Variants in SPATA6 observed in about 807,000 individuals in gnomAD.
The protein encoded by SPATA6 is spermatogenesis-associated protein 6.
Under a neutral mutation model 65.3 loss-of-function variants are expected in SPATA6, and 56 were observed. That is an observed-to-expected ratio of 0.86 (90% CI 0.69 to 1.07). The LOEUF (loss-of-function observed/expected upper bound fraction) is 1.07. SPATA6 is among the 50% of genes least tolerant of loss of function. The pLI, the probability that SPATA6 is intolerant of heterozygous loss-of-function variation, is 0.00. For missense variants in SPATA6, 590 were observed against 594.8 expected (o/e 0.99, Z 0.08); for synonymous variants, 199 against 213.2 (o/e 0.93, Z 0.58).
At chr1:48,394,853 G>T (rs1650429268) in intron 8 of SPATA6, among the ~76,000 whole-genome samples, 1 of 151,754 alleles carries the variant, frequency 6.6e-6, no homozygotes, top group South Asian at 2.1e-4. Context: ...AACTTAAGAA[G>T]CAACTTATCT....
At chr1:48,449,246 G>A (rs770016799) in intron 3 of SPATA6, among the ~76,000 whole-genome samples, 5 of 152,008 alleles carry the variant, frequency 3.3e-5, no homozygotes, top group Non-Finnish European at 5.9e-5. Flanking sequence ...GGATCTCAAG[G>A]GATACTACAG....
chr1:48,366,484 T>C (rs536435029), intron 9 of SPATA6, among the ~76,000 whole-genome samples: 4 of 151,940 alleles, frequency 2.6e-5, no homozygotes, highest in African/African-American at 9.7e-5. Flanking sequence ...AGGCTGTTAT[T>C]GGTCTATTCA....
chr1:48,278,576 G>A, the SPATA6 span, among the ~76,000 whole-genome samples: 1 of 152,216 alleles, frequency 6.6e-6, no homozygotes, highest in Non-Finnish European at 1.5e-5. Context: ...GGAAGAAAGG[G>A]TATCAGTGAT....
At chr1:48,338,302 AGTGACAAAAC>A (rs1289880386) in intron 11 of SPATA6, among the ~76,000 whole-genome samples, 1 of 151,974 alleles carries the variant, frequency 6.6e-6, no homozygotes, top group African/African-American at 2.4e-5. Context: ...ACAAGGGTGG[AGTGACAAAAC>A]GTGAGTTTTA....
intron 3 of SPATA6, among the ~76,000 whole-genome samples, chr1:48,437,801 A>T (rs2254284): frequency 0.96 from 145,089 of 151,050 alleles, 69,882 homozygotes; most frequent in East Asian, 1. Context: ...GCTTTTTTTT[A>T]AAAAAGGGGG....
chr1:48,358,866 C>A (rs188087436), intron 10 of SPATA6, among the ~76,000 whole-genome samples: 187 of 152,202 alleles, frequency 1.2e-3, no homozygotes, highest in Admixed American at 7.0e-3. Flanking sequence ...ACAGACAAAC[C>A]TGTATGTTTA....
chr1:48,282,692 G>C, the SPATA6 span, among the ~76,000 whole-genome samples: 1 of 152,192 alleles, frequency 6.6e-6, no homozygotes, highest in Admixed American at 6.5e-5. Context: ...AACAGGTGCT[G>C]GAGAGGATGT....
chr1:48,363,970 G>C (rs149588840), intron 9 of SPATA6, among the ~76,000 whole-genome samples: 2,245 of 150,994 alleles, frequency 0.015, 53 homozygotes, highest in African/African-American at 0.052. Flanking sequence ...CCTCACAACA[G>C]TCCCCAGAGT....
At chr1:48,414,770 A>G (rs143503111) in intron 3 of SPATA6, among the ~76,000 whole-genome samples, 303 of 152,340 alleles carry the variant, frequency 2.0e-3, no homozygotes, top group Middle Eastern at 3.4e-3. Flanking sequence ...CTTTCAGCAA[A>G]TAAGTACATA....
intron 7 of SPATA6, among the ~76,000 whole-genome samples, chr1:48,398,396 C>G (rs994048880): frequency 4.2e-4 from 64 of 151,690 alleles, no homozygotes; most frequent in African/African-American, 1.5e-3. Flanking sequence ...TCTGAACTTT[C>G]AGATTGTGTA....
chr1:48,371,494 G>A (rs1233935612), intron 9 of SPATA6, among the ~76,000 whole-genome samples: 2 of 152,198 alleles, frequency 1.3e-5, no homozygotes, highest in Non-Finnish European at 2.9e-5. Context: ...ACTACAGCAT[G>A]TTAGGCAATA....
chr1:48,460,743 A>G (rs1472065551), intron 1 of SPATA6, among the ~76,000 whole-genome samples: 3 of 59,634 alleles, frequency 5.0e-5, no homozygotes, highest in Non-Finnish European at 1.8e-4. Flanking sequence ...ATATACCGGT[A>G]AGAATGAAAA....
chr1:48,376,904 G>GA (rs1033902149), intron 9 of SPATA6, among the ~76,000 whole-genome samples: 2 of 152,062 alleles, frequency 1.3e-5, no homozygotes, highest in African/African-American at 4.8e-5. Context: ...CCTAAACATA[G>GA]AAAAAGTACA....
chr1:48,423,583 T>G (rs1223799627), intron 3 of SPATA6, among the ~76,000 whole-genome samples: 16 of 146,322 alleles, frequency 1.1e-4, no homozygotes, highest in East Asian at 9.8e-4. Flanking sequence ...TTTTTTTTTT[T>G]GTCACACAGG....
chr1:48,416,015 C>T (rs976403209), intron 3 of SPATA6, among the ~76,000 whole-genome samples: 1 of 152,044 alleles, frequency 6.6e-6, no homozygotes, highest in Non-Finnish European at 1.5e-5. Flanking sequence ...CCAGCCTGGG[C>T]AACGTGGCGA....
intron 11 of SPATA6, among the ~76,000 whole-genome samples, chr1:48,329,285 C>A (rs905878170): frequency 2.6e-5 from 4 of 151,902 alleles, no homozygotes; most frequent in Non-Finnish European, 5.9e-5. Context: ...AAAGCAGTGG[C>A]GTAGAGGGAA....
chr1:48,387,985 G>A (rs1178234720), intron 8 of SPATA6, among the ~76,000 whole-genome samples: 1 of 152,100 alleles, frequency 6.6e-6, no homozygotes, highest in Non-Finnish European at 1.5e-5. Flanking sequence ...GGCCCATGAT[G>A]GCTACTACCA....
chr1:48,397,694 G>A (rs1026437118), intron 7 of SPATA6, among the ~76,000 whole-genome samples: 5 of 151,228 alleles, frequency 3.3e-5, no homozygotes, highest in African/African-American at 9.7e-5. Context: ...TGGCTATGGA[G>A]GAAAAAAAAT....
At chr1:48,378,874 T>C (rs1254974228) in intron 9 of SPATA6, among the ~76,000 whole-genome samples, 4 of 152,188 alleles carry the variant, frequency 2.6e-5, no homozygotes, top group Non-Finnish European at 4.4e-5. Context: ...AAAGAAAATG[T>C]AGTATATGCA....
Sources: allele counts gnomAD v4.1 joint callset (sites outside exome capture counted in the v4.1 genomes callset), GRCh38; gene constraint gnomAD v4.1.1; transcripts MANE v1.5; gene names NCBI Gene and HGNC (gene_info 2026-07-23, HGNC 2026-07-21).